The following CAMK4 variants were observed in gnomAD, a reference collection of about 807,000 sequenced individuals.
The protein encoded by CAMK4 is calcium/calmodulin dependent protein kinase IV.
CAMK4 carries 22 observed loss-of-function variants against 44.9 expected under a neutral mutation model. The observed-to-expected ratio is 0.49, with a 90% CI of 0.35 to 0.70. The LOEUF (loss-of-function observed/expected upper bound fraction) is 0.70, where lower values mean the gene tolerates loss of function less well. CAMK4 is among the 30% of genes least tolerant of loss of function. CAMK4 has a pLI of 0.01. For synonymous variants in CAMK4, 218 were observed against 215.4 expected (o/e 1.01, Z -0.11); for missense variants, 498 against 586.8 (o/e 0.85, Z 1.56).
chr5:111,399,517 T>A (rs532162470), intron 5 of CAMK4, among the ~76,000 whole-genome samples: 6 of 152,230 alleles, frequency 3.9e-5, no homozygotes, highest in Non-Finnish European at 8.8e-5. Flanking sequence ...CTGTTCACCT[T>A]TATATTCCCA....
At chr5:111,256,051 G>C (rs1375703347) in intron 1 of CAMK4, among the ~76,000 whole-genome samples, 3 of 152,036 alleles carry the variant, frequency 2.0e-5, no homozygotes. Context: ...AATTCAACTG[G>C]ATATCTCACA....
chr5:111,240,013 C>G (rs566447869), intron 1 of CAMK4, among the ~76,000 whole-genome samples: 5 of 152,026 alleles, frequency 3.3e-5, no homozygotes, highest in Non-Finnish European at 7.4e-5. Flanking sequence ...GTAGTATAAC[C>G]GTAAGATTTT....
At chr5:111,384,104 A>G (rs1751512896) in intron 4 of CAMK4, among the ~76,000 whole-genome samples, 1 of 152,142 alleles carries the variant, frequency 6.6e-6, no homozygotes, top group African/African-American at 2.4e-5. Flanking sequence ...ATTAACTGGT[A>G]AAGAATGGAA....
chr5:111,330,629 G>A (rs1182781327), intron 1 of CAMK4, among the ~76,000 whole-genome samples: 1 of 151,534 alleles, frequency 6.6e-6, no homozygotes, highest in East Asian at 1.9e-4. Context: ...AGTATAAGGG[G>A]GAATGTGCAT....
At chr5:111,269,281 A>T (rs183505761) in intron 1 of CAMK4, among the ~76,000 whole-genome samples, 1 of 152,184 alleles carries the variant, frequency 6.6e-6, no homozygotes, top group East Asian at 1.9e-4. Context: ...TGACTTGACA[A>T]TTTATGGTAT....
chr5:111,286,925 A>G (rs1315621551), intron 1 of CAMK4, among the ~76,000 whole-genome samples: 1 of 152,010 alleles, frequency 6.6e-6, no homozygotes, highest in Non-Finnish European at 1.5e-5. Flanking sequence ...TTTCTTCTTG[A>G]TGGTTATTGT....
rs532395570 is a variant in CAMK4, at chr5:111,480,249, AACACACACAC to A, written c.828+1773_828+1782del. ...CTTCTCCATTACACATAGGCATGTA[AACACACACAC>A]ACACACACACACACACACACACACA... On this transcript the variant is annotated intron_variant, in intron 9 of 10. Coordinates refer to ENST00000282356, the MANE Select transcript of CAMK4 (RefSeq NM_001744.6). Among the ~76,000 whole-genome samples the A allele has an allele frequency of 4.0e-4, 48 of 121,272 alleles. No homozygotes were observed. The East Asian group carries it at 4.6e-3, about 12-fold the overall frequency. The allele number at this position is 121,272 out of a possible 152,430, so 79.6% of individuals were successfully genotyped here.
intron 7 of CAMK4, among the ~76,000 whole-genome samples, chr5:111,456,514 A>G (rs976236176): frequency 1.3e-5 from 2 of 151,998 alleles, no homozygotes; most frequent in African/African-American, 4.8e-5. Context: ...AAAAATAAAA[A>G]TAAAAATTTC....
At chr5:111,258,352 A>G (rs1381494159) in intron 1 of CAMK4, among the ~76,000 whole-genome samples, 1 of 152,154 alleles carries the variant, frequency 6.6e-6, no homozygotes, top group Non-Finnish European at 1.5e-5. Context: ...TAACATACCT[A>G]TTTGTATTAG....
intron 1 of CAMK4, among the ~76,000 whole-genome samples, chr5:111,238,808 CTTTTTTT>C (rs57552178): frequency 0.011 from 488 of 45,942 alleles, 6 homozygotes; most frequent in African/African-American, 0.042. Flanking sequence ...AGAGGCTCTT[CTTTTTTT>C]TTTTTTTTTT....
chr5:111,423,693 T>C (rs111351786), intron 5 of CAMK4, among the ~76,000 whole-genome samples: 22 of 152,324 alleles, frequency 1.4e-4, no homozygotes, highest in African/African-American at 5.3e-4. Flanking sequence ...ATTCACAACA[T>C]TTATTATACC....
At chr5:111,328,695 G>A (rs1749015088) in intron 1 of CAMK4, among the ~76,000 whole-genome samples, 1 of 151,982 alleles carries the variant, frequency 6.6e-6, no homozygotes, top group Non-Finnish European at 1.5e-5. Context: ...CTTGAGCAGA[G>A]GTTTGTAGTT....
At chr5:111,458,760 A>C (rs1754529502) in intron 7 of CAMK4, among the ~76,000 whole-genome samples, 1 of 152,190 alleles carries the variant, frequency 6.6e-6, no homozygotes, top group Non-Finnish European at 1.5e-5. Context: ...AACCACATAC[A>C]TACCTAGTGA....
chr5:111,467,525 C>G (rs1754884684), intron 7 of CAMK4, among the ~76,000 whole-genome samples: 1 of 151,858 alleles, frequency 6.6e-6, no homozygotes, highest in Non-Finnish European at 1.5e-5. Flanking sequence ...ACAATCCCAT[C>G]AAAAAGTGGA....
At chr5:111,443,350 A>ATATATAG (rs1753914154) in intron 5 of CAMK4, among the ~76,000 whole-genome samples, 2 of 129,660 alleles carry the variant, frequency 1.5e-5, no homozygotes, top group African/African-American at 6.7e-5. Flanking sequence ...TATATATACT[A>ATATATAG]TATATATAGT....
intron 7 of CAMK4, among the ~76,000 whole-genome samples, chr5:111,463,261 TA>T (rs1378502682): frequency 6.6e-6 from 1 of 152,152 alleles, no homozygotes; most frequent in Non-Finnish European, 1.5e-5. Flanking sequence ...AATGCATTTT[TA>T]AAAACTGTTT....
chr5:111,407,056 T>C (rs1191652342), intron 5 of CAMK4, among the ~76,000 whole-genome samples: 1 of 151,900 alleles, frequency 6.6e-6, no homozygotes, highest in Non-Finnish European at 1.5e-5. Flanking sequence ...AGTGGCAGCA[T>C]GAAAGAAAAA....
intron 10 of CAMK4, 132 bp downstream of exon 10, chr5:111,483,069 C>G (rs1755488439): frequency 1.3e-6 from 1 of 746,008 alleles, no homozygotes; most frequent in Non-Finnish European, 1.9e-6. Context: ...AGGGAAAATC[C>G]TGCTTTGAAA....
At chr5:111,339,017 G>C (rs1365016013) in intron 1 of CAMK4, among the ~76,000 whole-genome samples, 1 of 151,232 alleles carries the variant, frequency 6.6e-6, no homozygotes, top group Non-Finnish European at 1.5e-5. Context: ...GATAGGAATA[G>C]TGTTGACTCT....
Sources: allele counts gnomAD v4.1 joint callset (sites outside exome capture counted in the v4.1 genomes callset), GRCh38; gene constraint gnomAD v4.1.1; transcripts MANE v1.5; gene names NCBI Gene and HGNC (gene_info 2026-07-23, HGNC 2026-07-21).